NFIB: variants seen among roughly 807,000 people sequenced by gnomAD.
NFIB encodes nuclear factor 1 B-type.
Under a neutral mutation model 61.5 loss-of-function variants are expected in NFIB, and 11 were observed. That is an observed-to-expected ratio of 0.18 (90% CI 0.11 to 0.30). NFIB has a LOEUF of 0.30. Among genes scored for constraint, NFIB ranks in the 10% least tolerant of loss-of-function variants. NFIB has a pLI of 1.00. For synonymous variants in NFIB, 260 were observed against 216.5 expected (o/e 1.20, Z -1.76); for missense variants, 471 against 608.9 (o/e 0.77, Z 2.38).
chr9:14,237,762 CAGTGTGTG>C lies in NFIB; in HGVS notation c.563-57990_563-57983del, dbSNP rs1426191175. 2.0e-3 allele frequency among the ~76,000 whole-genome samples: 207 copies of C among 105,886 alleles called. 3 individuals carry two copies. The highest frequency in any genetic ancestry group is 7.3e-3 in the African/African-American group (177 of 24,380). The allele number at this position is 105,886 out of a possible 152,430, so 69.5% of individuals were successfully genotyped here. ...AAGCTCCTCACCCTGCTAGGTATAACAGTGTGTGTGTGTGTGTGTGTGTGTGTGTGTGT... is the reference window on the plus strand; with the variant it reads ...AAGCTCCTCACCCTGCTAGGTATAACTGTGTGTGTGTGTGTGTGTGTGTGT... On this transcript the variant is annotated intron_variant, in intron 2 of 10. Coordinates refer to ENST00000380953, the MANE Select transcript of NFIB (RefSeq NM_001190737.2).
chr9:14,114,958 T>C (rs1230681941), intron 9 of NFIB, among the ~76,000 whole-genome samples: 10 of 152,226 alleles, frequency 6.6e-5, no homozygotes, highest in South Asian at 2.1e-4. Flanking sequence ...AGCAAACCTC[T>C]AGAACAAAAT....
chr9:14,449,585 C>T, the NFIB span, among the ~76,000 whole-genome samples: 4 of 152,078 alleles, frequency 2.6e-5, no homozygotes, highest in African/African-American at 9.7e-5. Context: ...CATTTTTTAT[C>T]ATATAATCCC....
the NFIB span, among the ~76,000 whole-genome samples, chr9:14,483,161 G>T: frequency 6.6e-6 from 1 of 152,150 alleles, no homozygotes; most frequent in Non-Finnish European, 1.5e-5. Flanking sequence ...GTTTCTAACA[G>T]AAAGAATTGT....
chr9:14,490,487 G>C, the NFIB span, among the ~76,000 whole-genome samples: 1 of 152,090 alleles, frequency 6.6e-6, no homozygotes, highest in Non-Finnish European at 1.5e-5. Flanking sequence ...AACAGCTTCT[G>C]ATTGTCAAAA....
chr9:14,086,537 GA>G lies in NFIB; in HGVS notation c.*1771del. On this transcript the variant is annotated 3_prime_UTR_variant, in exon 11 of 11. Coordinates refer to ENST00000380953, the MANE Select transcript of NFIB (RefSeq NM_001190737.2). ...AGATGAAAAACATGAAAGGTTAATA[GA>G]AAAAAACACCAAAATACTGAAAATA... 1 of 214,940 alleles carries G rather than the reference GA, an allele frequency of 4.7e-6. No individual in the cohort carries two copies. Among genetic ancestry groups the G allele is most frequent in the Non-Finnish European group, 9.4e-6 (1 of 106,590 alleles). 13.3% of individuals were successfully genotyped at this position (214,940 alleles called of 1,614,324 possible).
chr9:14,128,695 C>CAAAAAA (rs202216145), intron 6 of NFIB, among the ~76,000 whole-genome samples: 2 of 79,546 alleles, frequency 2.5e-5, no homozygotes, highest in Non-Finnish European at 5.9e-5. Context: ...AACTCTGTCT[C>CAAAAAA]AAAAAAAAAA....
intron 2 of NFIB, among the ~76,000 whole-genome samples, chr9:14,240,904 AGATGGAG>A (rs2054276812): frequency 6.6e-6 from 1 of 152,204 alleles, no homozygotes; most frequent in Admixed American, 6.5e-5. Context: ...TGACAGCGTA[AGATGGAG>A]CTCTGAGGTT....
intron 6 of NFIB, among the ~76,000 whole-genome samples, chr9:14,141,325 C>G (rs1322201076): frequency 6.6e-6 from 1 of 152,056 alleles, no homozygotes; most frequent in Admixed American, 6.6e-5. Flanking sequence ...GAACACAATG[C>G]CTAAATATAG....
intron 2 of NFIB, among the ~76,000 whole-genome samples, chr9:14,221,099 C>T (rs1292182759): frequency 1.3e-5 from 2 of 152,136 alleles, no homozygotes; most frequent in African/African-American, 4.8e-5. Flanking sequence ...GCCCCTCCGA[C>T]CCCAGCTTCT....
chr9:14,510,927 C>T, the NFIB span, among the ~76,000 whole-genome samples: 83,761 of 151,956 alleles, frequency 0.55, 23,596 homozygotes, highest in Non-Finnish European at 0.62. Context: ...ATCCCCCCTA[C>T]CTTCAAGTAT....
rs908334882 is a variant in NFIB, at chr9:14,107,219, T to G, written c.1467+5780A>C. 2.6e-5 allele frequency among the ~76,000 whole-genome samples: 4 copies of G among 152,014 alleles called. No individual in the cohort carries two copies. In the East Asian group the frequency reaches 7.8e-4, roughly 30 times the overall value. On this transcript the variant is annotated intron_variant, in intron 10 of 10. Coordinates refer to ENST00000380953, the MANE Select transcript of NFIB (RefSeq NM_001190737.2). ...CCTACATGGAGCAAATTAAATGGTCTCTGGATGAATAGCATGTAACCTCTG... is the reference window on the plus strand; with the variant it reads ...CCTACATGGAGCAAATTAAATGGTCGCTGGATGAATAGCATGTAACCTCTG...
the NFIB span, among the ~76,000 whole-genome samples, chr9:14,508,191 TTATA>T: frequency 6.6e-6 from 1 of 151,852 alleles, no homozygotes; most frequent in African/African-American, 2.4e-5. Context: ...TACATAAACA[TTATA>T]TATACATATA....
intron 1 of NFIB, among the ~76,000 whole-genome samples, chr9:14,381,028 C>T (rs541118226): frequency 6.6e-4 from 91 of 137,906 alleles, no homozygotes; most frequent in Middle Eastern, 7.8e-3. Flanking sequence ...GAGCCGAGAT[C>T]GCGCCACTGC....
intron 2 of NFIB, among the ~76,000 whole-genome samples, chr9:14,215,134 T>TCCTCGCTTA (rs2050721196): frequency 1.3e-5 from 2 of 151,266 alleles, no homozygotes; most frequent in African/African-American, 4.9e-5. Context: ...AGCTCAACAA[T>TCCTCGCTTA]TGGGTGCTTA....
At chr9:14,298,327 T>C (rs897307740) in intron 2 of NFIB, among the ~76,000 whole-genome samples, 1 of 152,176 alleles carries the variant, frequency 6.6e-6, no homozygotes, top group Non-Finnish European at 1.5e-5. Context: ...TTTTACCTCA[T>C]ATTATGACAA....
the NFIB span, among the ~76,000 whole-genome samples, chr9:14,410,880 T>C: frequency 8.8e-4 from 134 of 152,330 alleles, no homozygotes; most frequent in African/African-American, 3.0e-3. Flanking sequence ...TTCTCATTTC[T>C]ATTGATACAG....
At chr9:14,098,512 C>A (rs958860782) in intron 10 of NFIB, among the ~76,000 whole-genome samples, 1 of 152,196 alleles carries the variant, frequency 6.6e-6, no homozygotes, top group Non-Finnish European at 1.5e-5. Context: ...CTGACTATCA[C>A]TTTAAGAAAG....
intron 3 of NFIB, among the ~76,000 whole-genome samples, chr9:14,174,139 G>A (rs1320017332): frequency 1.3e-5 from 2 of 151,686 alleles, no homozygotes; most frequent in Non-Finnish European, 2.9e-5. Flanking sequence ...ACAAGTTAGA[G>A]GATAAAGAAG....
At chr9:14,356,537 C>G (rs976509568) in intron 1 of NFIB, among the ~76,000 whole-genome samples, 1 of 151,874 alleles carries the variant, frequency 6.6e-6, no homozygotes, top group African/African-American at 2.4e-5. Flanking sequence ...CAGTGCAGCC[C>G]CGTGTAAAAA....
Sources: allele counts gnomAD v4.1 joint callset (sites outside exome capture counted in the v4.1 genomes callset), GRCh38; gene constraint gnomAD v4.1.1; transcripts MANE v1.5; gene names NCBI Gene and HGNC (gene_info 2026-07-23, HGNC 2026-07-21).